CENPW: variants seen among roughly 807,000 people sequenced by gnomAD.
CENPW encodes the protein cancer-up-regulated gene 2 protein.
In CENPW, 3 loss-of-function variants were observed where a neutral mutation model predicts 11.1. The observed-to-expected ratio is 0.27, with a 90% CI of 0.12 to 0.70. The LOEUF (loss-of-function observed/expected upper bound fraction) is 0.70, where lower values mean the gene tolerates loss of function less well. Among genes scored for constraint, CENPW ranks in the 30% least tolerant of loss-of-function variants. CENPW has a pLI of 0.77. For synonymous variants in CENPW, 38 were observed against 42.0 expected, an observed-to-expected ratio of 0.91 and a Z score of 0.37; for missense variants, 100 against 105.6, an observed-to-expected ratio of 0.95 and a Z score of 0.23.
chr6:126,413,193 T>A, the CENPW span, among the ~76,000 whole-genome samples: 3 of 152,066 alleles, frequency 2.0e-5, no homozygotes, highest in Non-Finnish European at 4.4e-5. Context: ...AATTGCCAAA[T>A]TTGAAGAGAA....
chr6:126,442,199 AT>A, the CENPW span, among the ~76,000 whole-genome samples: 3 of 151,618 alleles, frequency 2.0e-5, no homozygotes, highest in Non-Finnish European at 4.4e-5. Flanking sequence ...TTCTCTGATA[AT>A]TAGCGATGTT....
chr6:126,378,875 CAAGA>C, the CENPW span, among the ~76,000 whole-genome samples: 22 of 151,868 alleles, frequency 1.4e-4, no homozygotes, highest in African/African-American at 5.1e-4. Flanking sequence ...AATAAAAAAG[CAAGA>C]AAGATTAGCC....
the CENPW span, among the ~76,000 whole-genome samples, chr6:126,460,071 A>G: frequency 6.6e-6 from 1 of 151,540 alleles, no homozygotes; most frequent in Non-Finnish European, 1.5e-5. Flanking sequence ...GGGAAAATAT[A>G]CTCAAGTGAT....
the CENPW span, among the ~76,000 whole-genome samples, chr6:126,456,601 T>C: frequency 1.3e-5 from 2 of 151,554 alleles, no homozygotes; most frequent in African/African-American, 4.8e-5. Context: ...ATTAAAATCC[T>C]GGAAGATAAC....
chr6:126,380,092 A>G, the CENPW span, among the ~76,000 whole-genome samples: 1 of 152,182 alleles, frequency 6.6e-6, no homozygotes, highest in East Asian at 1.9e-4. Context: ...GTGACTTGCC[A>G]GGGGAATTGC....
the CENPW span, among the ~76,000 whole-genome samples, chr6:126,409,606 A>G: frequency 1.3e-5 from 2 of 151,942 alleles, no homozygotes; most frequent in East Asian, 3.8e-4. Flanking sequence ...CTTCGTGCAT[A>G]CATATTCACA....
the CENPW span, among the ~76,000 whole-genome samples, chr6:126,431,995 G>C: frequency 6.7e-6 from 1 of 149,042 alleles, no homozygotes. Flanking sequence ...AACCCAGAAG[G>C]TGGAGGTTGT....
the CENPW span, among the ~76,000 whole-genome samples, chr6:126,378,132 C>G: frequency 6.6e-6 from 1 of 152,292 alleles, no homozygotes; most frequent in South Asian, 2.1e-4. Context: ...AGAAACTTAA[C>G]TTTTCTACCA....
the CENPW span, among the ~76,000 whole-genome samples, chr6:126,378,876 A>G: frequency 6.6e-6 from 1 of 152,182 alleles, no homozygotes; most frequent in Admixed American, 6.5e-5. Flanking sequence ...ATAAAAAAGC[A>G]AGAAAGATTA....
At chr6:126,349,678 T>C (rs971791437), downstream of CENPW, among the ~76,000 whole-genome samples, 2 of 152,148 alleles carry the variant, frequency 1.3e-5, no homozygotes, top group Admixed American at 6.6e-5. Flanking sequence ...AGTATGGAAT[T>C]ACCACAGTTT....
chr6:126,408,358 A>G, the CENPW span, among the ~76,000 whole-genome samples: 1 of 152,186 alleles, frequency 6.6e-6, no homozygotes, highest in South Asian at 2.1e-4. Context: ...CATGTCTTAC[A>G]TGCTGGCAGA....
the CENPW span, among the ~76,000 whole-genome samples, chr6:126,424,469 G>C: frequency 6.6e-6 from 1 of 152,126 alleles, no homozygotes; most frequent in Non-Finnish European, 1.5e-5. Context: ...GAATGGACTA[G>C]GACATGCAGT....
chr6:126,346,622 T>G (rs1046432002), intron 2 of CENPW, among the ~76,000 whole-genome samples: 4 of 152,196 alleles, frequency 2.6e-5, no homozygotes, highest in Non-Finnish European at 1.5e-5. Flanking sequence ...CTTCTTGATC[T>G]TTTAAAATTA....
At chr6:126,427,251 T>C in the CENPW span, among the ~76,000 whole-genome samples, 2 of 152,194 alleles carry the variant, frequency 1.3e-5, no homozygotes, top group Non-Finnish European at 1.5e-5. Context: ...GTGTATTTTA[T>C]TTTATTTTTA....
At chr6:126,365,641 G>C in the CENPW span, among the ~76,000 whole-genome samples, 2 of 152,248 alleles carry the variant, frequency 1.3e-5, no homozygotes, top group East Asian at 3.9e-4. Flanking sequence ...CACAGAAGCA[G>C]ACCATAGCAA....
the CENPW span, among the ~76,000 whole-genome samples, chr6:126,383,988 C>A: frequency 6.6e-6 from 1 of 152,092 alleles, no homozygotes; most frequent in African/African-American, 2.4e-5. Context: ...TGAAATTGAT[C>A]ACACAATCAG....
At chr6:126,412,010 CCTCCCA>C in the CENPW span, among the ~76,000 whole-genome samples, 1 of 125,182 alleles carries the variant, frequency 8.0e-6, no homozygotes, top group African/African-American at 2.9e-5. Context: ...TTCCTCTCTC[CCTCCCA>C]CTCCCTCCCT....
the CENPW span, among the ~76,000 whole-genome samples, chr6:126,360,571 G>C: frequency 6.6e-6 from 1 of 152,168 alleles, no homozygotes; most frequent in Admixed American, 6.5e-5. Flanking sequence ...TGACTTGTAA[G>C]TTTGGTATCT....
chr6:126,463,864 A>T, the CENPW span, among the ~76,000 whole-genome samples: 15 of 152,110 alleles, frequency 9.9e-5, no homozygotes, highest in African/African-American at 2.7e-4. Context: ...CAGAACATTT[A>T]AGGAAGAAAT....
Sources: gnomAD v4.1 joint callset for allele counts (sites outside exome capture counted in the v4.1 genomes callset) on GRCh38, gnomAD v4.1.1 for gene constraint, MANE v1.5 for transcripts, NCBI Gene and HGNC (gene_info 2026-07-23, HGNC 2026-07-21) for gene names.